ZNF839: variants seen among roughly 807,000 people sequenced by gnomAD.
The protein encoded by ZNF839 is renal carcinoma antigen NY-REN-50.
ZNF839 carries 38 observed loss-of-function variants against 56.4 expected under a neutral mutation model. The ratio of observed to expected loss-of-function variants is 0.67; its 90% CI spans 0.52 to 0.88. The LOEUF (loss-of-function observed/expected upper bound fraction) is 0.88, where lower values mean the gene tolerates loss of function less well. Ranked by LOEUF, ZNF839 falls within the 40% of genes least tolerant of loss-of-function variation. The pLI, the probability that ZNF839 is intolerant of heterozygous loss-of-function variation, is 0.00. For synonymous variants in ZNF839, 486 were observed against 493.5 expected (o/e 0.98, Z 0.20); for missense variants, 1,091 against 1,177.6 (o/e 0.93, Z 1.08).
chr14:102,327,401 A>G (rs2073474779), intron 2 of ZNF839, among the ~76,000 whole-genome samples: 1 of 152,100 alleles, frequency 6.6e-6, no homozygotes, highest in Non-Finnish European at 1.5e-5. Flanking sequence ...TCAGCCTCCC[A>G]AAATGCTGAG....
In ZNF839 at chr14:102,334,550, G is replaced by A; in HGVS notation, c.1417-4G>A. 1 of 1,605,862 alleles carries A rather than the reference G, an allele frequency of 6.2e-7. No individual in the cohort carries two copies. The highest frequency in any genetic ancestry group is 1.1e-5 in the South Asian group (1 of 89,486). On this transcript the variant is annotated splice_region_variant and splice_polypyrimidine_tract_variant and intron_variant, in intron 3 of 7. Transcript: ENST00000442396. Reference sequence around the variant, plus strand: ...CAAAGGCATGAAATGCTTTCCCTTGGTAGTTCCTCCAGCAGTGTGACCGGG... The same window carrying A: ...CAAAGGCATGAAATGCTTTCCCTTGATAGTTCCTCCAGCAGTGTGACCGGG...
At chr14:102,334,403 A>G (rs2073925330) in intron 3 of ZNF839, 151 bp from the exon 4 acceptor site, 2 of 618,352 alleles carry the variant, frequency 3.2e-6, no homozygotes, top group South Asian at 3.5e-5. Flanking sequence ...AAACAGGTGA[A>G]ATAGTTAATA....
At chr14:102,324,389 A>G (rs1439542932) in intron 1 of ZNF839, among the ~76,000 whole-genome samples, 1 of 152,106 alleles carries the variant, frequency 6.6e-6, no homozygotes, top group Non-Finnish European at 1.5e-5. Context: ...CTAAAAATAC[A>G]AAAATTAGCC....
upstream of ZNF839, among the ~76,000 whole-genome samples, chr14:102,318,493 C>T (rs551897352): frequency 6.6e-6 from 1 of 152,122 alleles, no homozygotes; most frequent in East Asian, 1.9e-4. Context: ...ATTAGCCAGG[C>T]ATGGTGGCGG....
At position 102,342,093 on chromosome 14, in the gene ZNF839, T is replaced by C. The variant is rs1403195513; in HGVS notation, c.2698T>C (p.Ser900Pro). The change falls in exon 8 of 8, where the codon TCC becomes CCC. Residue 900 changes from serine (S) to proline (P), a missense_variant. By Grantham distance (74) the Ser-to-Pro change is moderately conservative (BLOSUM62 -1). Around this residue, in one of 3 missense-constraint regions of ZNF839, gnomAD observed 431 missense variants for 468.0 expected, o/e 0.92. Transcript: ENST00000442396. ...FIQTSDGLIL[S>P]PPGTIVSQEE... ...TCAGACTTCCGATGGGCTTATCTTG[T>C]CCCCTCCAGGTACAATAGTGTCTCA... The C allele has an allele frequency of 3.1e-6, 5 of 1,613,834 alleles. No individual in the cohort carries two copies. Among genetic ancestry groups the C allele is most frequent in the Non-Finnish European group, 4.2e-6 (5 of 1,179,906 alleles).
Position 102,320,334 on chromosome 14 carries a change from G to A in ZNF839, c.288+281G>A, listed in dbSNP as rs1015262131. On this transcript the variant is annotated intron_variant, in intron 1 of 7. Coordinates refer to ENST00000442396, the MANE Select transcript of ZNF839 (RefSeq NM_018335.6). ...TCACAGCCCTGCTGGGGGCTTTTGCGTGCTCCCTAGCTCTTCTTACAGGCC... is the reference window on the plus strand; with the variant it reads ...TCACAGCCCTGCTGGGGGCTTTTGCATGCTCCCTAGCTCTTCTTACAGGCC... Among the ~76,000 whole-genome samples, 12 of 152,292 alleles carry A rather than the reference G, an allele frequency of 7.9e-5. No individual in the cohort carries two copies. In the South Asian group the frequency reaches 2.5e-3, roughly 32 times the overall value.
intron 1 of ZNF839, 134 bp from the exon 2 acceptor site, chr14:102,325,851 A>G: frequency 9.3e-7 from 1 of 1,075,268 alleles, no homozygotes. Context: ...TAGTACAAAC[A>G]CATTACATCA....
At chr14:102,333,698 T>C (rs1189766871) in intron 3 of ZNF839, among the ~76,000 whole-genome samples, 2 of 152,134 alleles carry the variant, frequency 1.3e-5, no homozygotes, top group Non-Finnish European at 2.9e-5. Flanking sequence ...TTCTTCCCTC[T>C]ACAGACTCCC....
In ZNF839 at chr14:102,326,874, G is replaced by A. The variant is rs375305020; in HGVS notation, c.1178G>A (p.Arg393His). Residue 393 changes from arginine to histidine, a missense_variant, in exon 2 of 8, where the codon CGC becomes CAC. Arg to His is a conservative substitution (Grantham distance 29). Around this residue, in one of 3 missense-constraint regions of ZNF839, gnomAD observed 614 missense variants for 629.2 expected, o/e 0.98. Coordinates refer to ENST00000442396, the MANE Select transcript of ZNF839 (RefSeq NM_018335.6). This position sits in a 1 kb window ranked among gnomAD's most constrained non-coding sequence, Gnocchi z 4.3. ...TCCTGCTTGGTGACAGAGTCAGCAC[G>A]CGGTGGCCTGCAGGTAATGTTTCTG... ...ARSCLVTESA[R>H]GGLQNGQSVD... The A allele has an allele frequency of 2.7e-5, 43 of 1,598,686 alleles. No homozygotes were observed. Among genetic ancestry groups the A allele is most frequent in the South Asian group, 1.6e-4 (14 of 89,758 alleles).
chr14:102,331,519 G>A (rs2073779450), intron 2 of ZNF839, 103 bp from the exon 3 acceptor site: 2 of 1,014,046 alleles, frequency 2.0e-6, no homozygotes, highest in Non-Finnish European at 2.9e-6. Flanking sequence ...CAAAGTGCTG[G>A]GATTTCAGGT....
At chr14:102,324,628 G>T (rs192086320) in intron 1 of ZNF839, among the ~76,000 whole-genome samples, 1 of 152,290 alleles carries the variant, frequency 6.6e-6, no homozygotes, top group Admixed American at 6.5e-5. Flanking sequence ...TTGAACCTGG[G>T]AAGTGGAGGT....
chr14:102,319,666 T>C (rs2073009030), upstream of ZNF839: 7 of 1,205,304 alleles, frequency 5.8e-6, no homozygotes, highest in Non-Finnish European at 6.2e-6. The surrounding 1 kb of genome is among the most constrained non-coding windows in gnomAD (Gnocchi z 4.5). Flanking sequence ...CCTAGGTGTC[T>C]TGGCCTGCGA....
intron 7 of ZNF839, among the ~76,000 whole-genome samples, chr14:102,339,734 G>A (rs752205362): frequency 1.1e-4 from 17 of 151,708 alleles, no homozygotes; most frequent in Non-Finnish European, 2.4e-4. Flanking sequence ...GGGTAACAGA[G>A]TGAGACTCCA....
chr14:102,322,785 G>A (rs1219329240), intron 1 of ZNF839, among the ~76,000 whole-genome samples: 4 of 152,160 alleles, frequency 2.6e-5, no homozygotes, highest in Admixed American at 6.5e-5. Flanking sequence ...GGCTGGCCCT[G>A]AACTCCTGGC....
At position 102,326,851 on chromosome 14, in the gene ZNF839, C is replaced by T; in HGVS notation, c.1155C>T (p.Ser385=). 6.2e-7 allele frequency: 1 copy of T among 1,608,590 alleles called. No homozygotes were observed. The highest frequency in any genetic ancestry group is 8.5e-7 in the Non-Finnish European group (1 of 1,176,790). Residue 385 remains serine, a synonymous_variant, in exon 2 of 8, where the codon TCC becomes TCT. Transcript: ENST00000442396. This position sits in a 1 kb window ranked among gnomAD's most constrained non-coding sequence, Gnocchi z 4.3. ...ATCCATGTGAGGGAGGGGCCCGCTC[C>T]TGCTTGGTGACAGAGTCAGCACGCG... The part of the protein sequence containing the change: ...PADPCEGGAR[S]CLVTESARGG...
rs1358816797 is a variant in ZNF839, at chr14:102,326,427, TA to T, written c.735del (p.Val246Ter). On this transcript the variant is annotated frameshift_variant, in exon 2 of 8. Transcript: ENST00000442396. LOFTEE classifies it high-confidence loss of function. The surrounding 1 kb of genome is among the most constrained non-coding windows in gnomAD (Gnocchi z 4.3). ...CATACTGAGAAACTAAAAAAATCGTTAAAAGTAAAGACACGTTCTGGACGGG... is the reference window on the plus strand; with the variant it reads ...CATACTGAGAAACTAAAAAAATCGTTAAAGTAAAGACACGTTCTGGACGGG... ...TRHTEKLKKS[L>X]KVKTRSGRVS... 1 of 1,613,808 alleles carries T rather than the reference TA, an allele frequency of 6.2e-7. No individual in the cohort carries two copies. Among genetic ancestry groups the T allele is most frequent in the South Asian group, 1.1e-5 (1 of 91,062 alleles).
chr14:102,333,071 A>C (rs1417111081), intron 3 of ZNF839, among the ~76,000 whole-genome samples: 1 of 152,146 alleles, frequency 6.6e-6, no homozygotes, highest in Non-Finnish European at 1.5e-5. Flanking sequence ...CTTCCTGTGG[A>C]GTTGAAAGTC....
At chr14:102,333,156 T>C (rs1010186279) in intron 3 of ZNF839, among the ~76,000 whole-genome samples, 4 of 152,290 alleles carry the variant, frequency 2.6e-5, no homozygotes, top group African/African-American at 4.8e-5. Context: ...AAGATTTTTC[T>C]GTAGCTTTTC....
At chr14:102,339,762 G>A (rs990308933) in intron 7 of ZNF839, among the ~76,000 whole-genome samples, 5 of 151,496 alleles carry the variant, frequency 3.3e-5, no homozygotes, top group Non-Finnish European at 5.9e-5. Context: ...AAAAAAAGGA[G>A]AGCCACCAAA....
Sources: gnomAD v4.1 joint callset for allele counts (sites outside exome capture counted in the v4.1 genomes callset) on GRCh38, gnomAD v4.1.1 for gene constraint, gnomAD v4.1.1 regional missense constraint, Gnocchi (gnomAD v3.1) non-coding constraint, MANE v1.5 for transcripts, NCBI Gene and HGNC (gene_info 2026-07-23, HGNC 2026-07-21) for gene names.